The following SLC22A15 variants were observed in gnomAD, a reference collection of about 807,000 sequenced individuals.
The protein encoded by SLC22A15 is solute carrier family 22 member 15.
A neutral mutation model predicts 62.7 loss-of-function variants in SLC22A15; 45 were observed. The ratio of observed to expected loss-of-function variants is 0.72; its 90% confidence interval spans 0.56 to 0.92. The LOEUF is 0.92. SLC22A15 is among the 40% of genes least tolerant of loss of function. The pLI, the probability that SLC22A15 is intolerant of heterozygous loss-of-function variation, is 0.00. For synonymous variants in SLC22A15, 264 were observed against 267.0 expected (o/e 0.99, Z 0.11); for missense variants, 622 against 665.6 (o/e 0.93, Z 0.72).
intron 8 of SLC22A15, among the ~76,000 whole-genome samples, chr1:116,059,944 T>A (rs1658335416): frequency 6.6e-6 from 1 of 152,250 alleles, no homozygotes; most frequent in Admixed American, 6.5e-5. Context: ...CTTGAGTTAG[T>A]ATTTGAAGTA....
intron 2 of SLC22A15, among the ~76,000 whole-genome samples, chr1:116,000,534 C>T (rs933288810): frequency 1.8e-4 from 27 of 151,584 alleles, no homozygotes; most frequent in African/African-American, 4.4e-4. Context: ...AGTTTATACA[C>T]GACAATTACA....
chr1:115,992,857 T>A (rs1412969719), intron 2 of SLC22A15, among the ~76,000 whole-genome samples: 1 of 152,016 alleles, frequency 6.6e-6, no homozygotes, highest in Non-Finnish European at 1.5e-5. Context: ...GACTCCTGAC[T>A]CAGGTGATCC....
chr1:115,985,850 G>C (rs1246692388), intron 1 of SLC22A15, among the ~76,000 whole-genome samples: 1 of 151,038 alleles, frequency 6.6e-6, no homozygotes, highest in Non-Finnish European at 1.5e-5. Context: ...GGGAGGCTGA[G>C]GCAGAGAATT....
At chr1:116,059,928 A>T (rs982890524) in intron 8 of SLC22A15, among the ~76,000 whole-genome samples, 4 of 152,236 alleles carry the variant, frequency 2.6e-5, no homozygotes, top group African/African-American at 7.2e-5. Context: ...ATAAATGTAT[A>T]ACCTCCTTGA....
chr1:115,997,253 G>C (rs1270388071), intron 2 of SLC22A15, among the ~76,000 whole-genome samples: 1 of 151,932 alleles, frequency 6.6e-6, no homozygotes, highest in Non-Finnish European at 1.5e-5. Flanking sequence ...TGTTGTTGTT[G>C]TTGTTGCTCA....
intron 4 of SLC22A15, among the ~76,000 whole-genome samples, chr1:116,023,398 T>C (rs1656935062): frequency 6.6e-6 from 1 of 152,206 alleles, no homozygotes; most frequent in South Asian, 2.1e-4. Context: ...ATGTTCATTG[T>C]AGAAAATAAT....
At chr1:115,977,507 A>G (rs910531798) in intron 1 of SLC22A15, among the ~76,000 whole-genome samples, 2 of 152,244 alleles carry the variant, frequency 1.3e-5, no homozygotes, top group African/African-American at 4.8e-5. Flanking sequence ...CTCATTTGAC[A>G]TTAGTCGCTT....
chr1:116,026,923 G>A lies in SLC22A15; in HGVS notation c.629G>A (p.Gly210Asp), dbSNP rs1226243228. ...ATTGGCGGCCTGTTCTTTGCAGTTGGCATTGCCCAATATGCCCTGTTAGGA... is the reference window on the plus strand; with the variant it reads ...ATTGGCGGCCTGTTCTTTGCAGTTGACATTGCCCAATATGCCCTGTTAGGA... Reference protein sequence around the residue: ...GSIGGLFFAVGIAQYALLGYF... With the variant: ...GSIGGLFFAVDIAQYALLGYF... Residue 210 changes from glycine (G) to aspartate (D), a missense_variant, in exon 5 of 12, where the codon GGC (glycine) becomes GAC (aspartate). Transcript: ENST00000369503. The A allele has an allele frequency of 6.2e-7, 1 of 1,613,626 alleles. No homozygotes were observed. The highest frequency in any genetic ancestry group is 1.7e-5 in the Admixed American group (1 of 60,020).
chr1:115,982,913 C>A (rs1391314490), intron 1 of SLC22A15, among the ~76,000 whole-genome samples: 2 of 152,172 alleles, frequency 1.3e-5, no homozygotes, highest in Non-Finnish European at 2.9e-5. Context: ...TATCTTTTCA[C>A]TTTTGTTTTT....
Position 116,031,403 on chromosome 1 carries a change from G to T in SLC22A15, c.766G>T (p.Gly256Cys). The T allele has an allele frequency of 1.2e-6, 2 of 1,613,598 alleles. No individual in the cohort carries two copies. The highest frequency in any genetic ancestry group is 1.3e-5 in the African/African-American group (1 of 74,954). The change falls in exon 6 of 12, where the codon GGT becomes TGT. Residue 256 changes from glycine to cysteine, a missense_variant. Gly to Cys is a radical substitution (Grantham distance 159). Transcript: ENST00000369503. ...PESPRWLYSQGRLSEAEEALY... is the reference protein window; with the variant it reads ...PESPRWLYSQCRLSEAEEALY... Reference sequence around the variant, plus strand: ...ATCACCTCGTTGGTTATACTCCCAGGGTCGACTGAGTGAGGCTGAAGAGGC... The same window carrying T: ...ATCACCTCGTTGGTTATACTCCCAGTGTCGACTGAGTGAGGCTGAAGAGGC...
chr1:116,002,550 CGAGATTG>C (rs1655795670), intron 2 of SLC22A15, among the ~76,000 whole-genome samples: 1 of 151,818 alleles, frequency 6.6e-6, no homozygotes. Context: ...GAGCTGGTAC[CGAGATTG>C]CAAGACAAAG....
chr1:116,000,372 A>T (rs1200528065), intron 2 of SLC22A15, among the ~76,000 whole-genome samples: 1 of 152,176 alleles, frequency 6.6e-6, no homozygotes, highest in African/African-American at 2.4e-5. Flanking sequence ...GAGAAAACTA[A>T]TAAAAAGTCT....
rs71096857 is a variant in SLC22A15, at chr1:115,999,502, C to CT, written c.300+7275dup. On this transcript the variant is annotated intron_variant, in intron 2 of 11. Transcript: ENST00000369503. ...TGTTGGGTGCATATATATTTTTGTTCTTTTTTTTTTTTTTTTCTGGAGACA... is the reference window on the plus strand; with the variant it reads ...TGTTGGGTGCATATATATTTTTGTTCTTTTTTTTTTTTTTTTTCTGGAGACA... Among the ~76,000 whole-genome samples the CT allele has an allele frequency of 1.7e-3, 222 of 133,918 alleles. 3 individuals carry two copies. Among genetic ancestry groups the CT allele is most frequent in the Admixed American group, 3.9e-3 (53 of 13,550 alleles). The allele number at this position is 133,918 out of a possible 152,430, so 87.9% of individuals were successfully genotyped here.
chr1:115,999,408 C>A (rs1428957673), intron 2 of SLC22A15, among the ~76,000 whole-genome samples: 1 of 151,628 alleles, frequency 6.6e-6, no homozygotes, highest in African/African-American at 2.4e-5. Flanking sequence ...TCTCCAGCAA[C>A]TATTGTATTG....
At chr1:115,983,836 C>CT (rs1172675772) in intron 1 of SLC22A15, among the ~76,000 whole-genome samples, 2 of 152,150 alleles carry the variant, frequency 1.3e-5, no homozygotes, top group Non-Finnish European at 2.9e-5. Flanking sequence ...AAGTGGTAAG[C>CT]TATGTGAGGC....
intron 8 of SLC22A15, among the ~76,000 whole-genome samples, chr1:116,038,679 A>C (rs903647608): frequency 2.0e-5 from 3 of 152,224 alleles, no homozygotes; most frequent in Admixed American, 6.5e-5. Flanking sequence ...CTAGGTGCTC[A>C]GTTTTGTTTG....
chr1:116,051,744 G>GT (rs904011647), intron 8 of SLC22A15, among the ~76,000 whole-genome samples: 34 of 152,304 alleles, frequency 2.2e-4, no homozygotes, highest in African/African-American at 7.9e-4. Context: ...TCAGCTGCTC[G>GT]TAGGACATGT....
rs767268695 is a variant in SLC22A15, at chr1:116,066,515, T to C, written c.1366-5T>C. 4 of 1,586,970 alleles carry C rather than the reference T, an allele frequency of 2.5e-6. No individual in the cohort carries two copies. The East Asian group carries it at 9.1e-5, about 36-fold the overall frequency. Reference sequence around the variant, plus strand: ...TTATTTTCATTCCACTCCCCGCCTCTGCAGAAATATGTGCAATGGTCTTTA... The same window carrying C: ...TTATTTTCATTCCACTCCCCGCCTCCGCAGAAATATGTGCAATGGTCTTTA... On this transcript the variant is annotated splice_region_variant and splice_polypyrimidine_tract_variant and intron_variant, in intron 10 of 11. Transcript: ENST00000369503.
At chr1:116,004,131 G>C (rs1655863253) in intron 2 of SLC22A15, among the ~76,000 whole-genome samples, 1 of 152,266 alleles carries the variant, frequency 6.6e-6, no homozygotes, top group East Asian at 1.9e-4. Context: ...CTCAGTTTTA[G>C]TTGGTCAGAG....
Sources: gnomAD v4.1 joint callset for allele counts (sites outside exome capture counted in the v4.1 genomes callset) on GRCh38, gnomAD v4.1.1 for gene constraint, MANE v1.5 for transcripts, NCBI Gene and HGNC (gene_info 2026-07-23, HGNC 2026-07-21) for gene names.